SYN2: variants seen among roughly 807,000 people sequenced by gnomAD.
SYN2 encodes synapsin II.
SYN2 carries 19 observed loss-of-function variants against 50.9 expected under a neutral mutation model. The observed-to-expected ratio is 0.37, with a 90% CI of 0.26 to 0.55. The LOEUF (loss-of-function observed/expected upper bound fraction) is 0.55, where lower values mean the gene tolerates loss of function less well. Among genes scored for constraint, SYN2 ranks in the 20% least tolerant of loss-of-function variants. The pLI, the probability that SYN2 is intolerant of heterozygous loss-of-function variation, is 0.81. For synonymous variants in SYN2, 255 were observed against 224.9 expected (o/e 1.13, Z -1.20); for missense variants, 587 against 576.4 (o/e 1.02, Z -0.19).
rs375236694 is a variant in SYN2 at position 12,182,345 on chromosome 3, C to G, written c.1309-967C>G. Among the ~76,000 whole-genome samples, 90 of 152,326 alleles carry G rather than the reference C, an allele frequency of 5.9e-4. 1 individual carries two copies. In the East Asian group the frequency reaches 6.0e-3, roughly 10 times the overall value. On this transcript the variant is annotated intron_variant, in intron 10 of 12. Transcript: ENST00000621198. ...CCTTGCCTTGGAAGCCCCTCATTGA[C>G]ATCACCGTTGGCACACTTGGCAGAC...
chr3:12,033,283 A>G (rs997219833), intron 1 of SYN2, among the ~76,000 whole-genome samples: 3 of 152,158 alleles, frequency 2.0e-5, no homozygotes, highest in Non-Finnish European at 2.9e-5. Context: ...GCTCTCTTCA[A>G]AGCTCAGATG....
chr3:12,071,440 C>T (rs1695353469), intron 1 of SYN2: 4 of 514,184 alleles, frequency 7.8e-6, no homozygotes, highest in Non-Finnish European at 7.9e-6. Flanking sequence ...CAAATGCATA[C>T]ACTTCATGCT....
intron 1 of SYN2, among the ~76,000 whole-genome samples, chr3:12,092,089 G>A (rs1252680222): frequency 1.3e-5 from 2 of 151,010 alleles, no homozygotes; most frequent in Non-Finnish European, 3.0e-5. Context: ...TTAAAAAAGT[G>A]TGTTTTTCAC....
chr3:12,010,476 A>C (rs1693892740), intron 1 of SYN2, among the ~76,000 whole-genome samples: 1 of 152,222 alleles, frequency 6.6e-6, no homozygotes, highest in Non-Finnish European at 1.5e-5. Flanking sequence ...TTGTATGGTA[A>C]TTAGTATGCA....
chr3:12,084,252 G>A (rs1360732520), intron 1 of SYN2, among the ~76,000 whole-genome samples: 5 of 151,608 alleles, frequency 3.3e-5, no homozygotes, highest in Non-Finnish European at 7.4e-5. Flanking sequence ...TTCCTGAGGA[G>A]CCCTTCAAAA....
chr3:12,090,288 G>C (rs1695797838), intron 1 of SYN2, among the ~76,000 whole-genome samples: 1 of 152,166 alleles, frequency 6.6e-6, no homozygotes, highest in Non-Finnish European at 1.5e-5. Flanking sequence ...ATTTATAAAT[G>C]ACTATGAGGA....
chr3:12,123,356 G>A (rs1437403139), intron 1 of SYN2, among the ~76,000 whole-genome samples: 1 of 152,168 alleles, frequency 6.6e-6, no homozygotes, highest in Admixed American at 6.5e-5. Flanking sequence ...GATATCCTAC[G>A]AGGAATCACA....
chr3:12,120,501 G>GGGAGAGAGC (rs1356725014), intron 1 of SYN2, among the ~76,000 whole-genome samples: 8 of 152,172 alleles, frequency 5.3e-5, no homozygotes, highest in African/African-American at 1.9e-4. Flanking sequence ...AAGAAGGATA[G>GGGAGAGAGC]GGAGAGAGCG....
intron 1 of SYN2, among the ~76,000 whole-genome samples, chr3:12,105,397 G>T (rs1248399189): frequency 6.6e-6 from 1 of 151,560 alleles, no homozygotes; most frequent in Non-Finnish European, 1.5e-5. Flanking sequence ...GCCATGGTTG[G>T]CACATAGTGG....
Position 12,119,524 on chromosome 3 carries a change from C to T in SYN2, c.378-21127C>T, listed in dbSNP as rs1029958840. ...AATACCTTGCCAGCTCCTTTTTCCC[C>T]CCTAACAGCTGTTTTTCTCTCTTTT... On this transcript the variant is annotated intron_variant, in intron 1 of 12. Coordinates refer to ENST00000621198, the MANE Select transcript of SYN2 (RefSeq NM_133625.6). Among the ~76,000 whole-genome samples, 4 of 152,174 alleles carry T rather than the reference C, an allele frequency of 2.6e-5. 1 individual carries two copies. In the South Asian group the frequency reaches 6.2e-4, roughly 24 times the overall value.
At chr3:12,015,157 C>G (rs922265959) in intron 1 of SYN2, among the ~76,000 whole-genome samples, 4 of 152,186 alleles carry the variant, frequency 2.6e-5, no homozygotes, top group African/African-American at 9.7e-5. Context: ...TCTCCTGTGT[C>G]TTTACCTGGA....
chr3:12,165,030 A>G (rs1697748794), intron 7 of SYN2, among the ~76,000 whole-genome samples: 1 of 127,944 alleles, frequency 7.8e-6, no homozygotes, highest in African/African-American at 3.0e-5. Flanking sequence ...CTCTGCCACC[A>G]GGCTGGAATG....
At chr3:12,093,382 A>G (rs1574936171) in intron 1 of SYN2, among the ~76,000 whole-genome samples, 1 of 152,318 alleles carries the variant, frequency 6.6e-6, no homozygotes, top group Middle Eastern at 3.4e-3. Context: ...GATGACTGAC[A>G]TCATTAGACC....
intron 1 of SYN2, chr3:12,071,328 G>T: frequency 1.8e-6 from 1 of 570,474 alleles, no homozygotes; most frequent in African/African-American, 1.9e-5. Flanking sequence ...AGTACAACAA[G>T]TTGGCCCCTC....
chr3:12,093,500 G>A (rs1396460564), intron 1 of SYN2, among the ~76,000 whole-genome samples: 1 of 152,124 alleles, frequency 6.6e-6, no homozygotes, highest in Non-Finnish European at 1.5e-5. Context: ...TGGTAAGATA[G>A]CTAGTTTAAT....
rs1454391914 is a variant in SYN2, at chr3:12,157,367, C to T, written c.775-4179C>T. On this transcript the variant is annotated intron_variant, in intron 5 of 12. Coordinates refer to ENST00000621198, the MANE Select transcript of SYN2 (RefSeq NM_133625.6). ...CATCAGCCTTAGGGGCTACACATCC[C>T]AGCCTGCCCCCATGTACCTTTATCT... The T allele has an allele frequency of 6.2e-6, 10 of 1,612,080 alleles. No individual in the cohort carries two copies. The East Asian group carries it at 6.7e-5, about 11-fold the overall frequency.
intron 1 of SYN2, among the ~76,000 whole-genome samples, chr3:12,074,480 T>C (rs1390991479): frequency 1.3e-5 from 2 of 152,192 alleles, no homozygotes; most frequent in African/African-American, 4.8e-5. Context: ...TGTATTATGT[T>C]AGTGAATACT....
rs539801912 is a variant in SYN2 at position 12,007,838 on chromosome 3, C to G, written c.377+2910C>G. 2.9e-3 allele frequency among the ~76,000 whole-genome samples: 436 copies of G among 152,204 alleles called. 2 individuals carry two copies. Among genetic ancestry groups the G allele is most frequent in the African/African-American group, 0.01 (416 of 41,514 alleles). On this transcript the variant is annotated intron_variant, in intron 1 of 12. Coordinates refer to ENST00000621198, the MANE Select transcript of SYN2 (RefSeq NM_133625.6). ...GGGCAATTGGAGACCCCACCACTGA[C>G]CAGGTTGATGGGAAAATTGGAAGAT...
intron 4 of SYN2, among the ~76,000 whole-genome samples, chr3:12,146,426 T>G (rs1326080561): frequency 6.6e-6 from 1 of 152,222 alleles, no homozygotes; most frequent in Non-Finnish European, 1.5e-5. Flanking sequence ...ATGATAGAGA[T>G]ATGAAAATTA....
Sources: allele counts gnomAD v4.1 joint callset (sites outside exome capture counted in the v4.1 genomes callset), GRCh38; gene constraint gnomAD v4.1.1; transcripts MANE v1.5; gene names NCBI Gene and HGNC (gene_info 2026-07-23, HGNC 2026-07-21).